The following OGDH variants were observed in gnomAD, a reference collection of about 807,000 sequenced individuals.
OGDH encodes the protein 2-oxoglutarate dehydrogenase complex component E1.
A neutral mutation model predicts 116.6 loss-of-function variants in OGDH; 38 were observed. The ratio of observed to expected loss-of-function variants is 0.33; its 90% CI spans 0.25 to 0.43. The LOEUF (loss-of-function observed/expected upper bound fraction) is 0.43. Among genes scored for constraint, OGDH ranks in the 20% least tolerant of loss-of-function variants. The probability of loss-of-function intolerance (pLI) is 1.00; values close to 1 mark genes in which losing one functional copy is unlikely to be tolerated. For missense variants in OGDH, 825 were observed against 1,357.2 expected (o/e 0.61, Z 6.16); for synonymous variants, 488 against 533.3 (o/e 0.92, Z 1.17).
At chr7:44,672,860 C>G (rs1787528784) in intron 5 of OGDH, among the ~76,000 whole-genome samples, 1 of 152,046 alleles carries the variant, frequency 6.6e-6, no homozygotes, top group South Asian at 2.1e-4. Flanking sequence ...TCAGGCTGGT[C>G]TCAAACTCCT....
intron 12 of OGDH, among the ~76,000 whole-genome samples, chr7:44,695,256 T>C (rs1280606482): frequency 6.6e-6 from 1 of 152,070 alleles, no homozygotes; most frequent in Non-Finnish European, 1.5e-5. Context: ...CCACCACGCC[T>C]AGCTAATTTT....
intron 20 of OGDH, among the ~76,000 whole-genome samples, chr7:44,705,860 C>G (rs1349573929): frequency 2.0e-5 from 3 of 152,236 alleles, no homozygotes; most frequent in Admixed American, 6.5e-5. Flanking sequence ...GAGTACGATA[C>G]ATGTTTGTTA....
chr7:44,638,273 C>G (rs111282684), intron 2 of OGDH, among the ~76,000 whole-genome samples: 1 of 152,244 alleles, frequency 6.6e-6, no homozygotes, highest in Non-Finnish European at 1.5e-5. Flanking sequence ...CACCCACGTA[C>G]GTCATTGTGA....
Position 44,673,808 on chromosome 7 carries a change from G to C in OGDH, c.655G>C (p.Gly219Arg). The C allele has an allele frequency of 6.2e-7, 1 of 1,614,210 alleles. No individual in the cohort carries two copies. Among genetic ancestry groups the C allele is most frequent in the Non-Finnish European group, 8.5e-7 (1 of 1,180,018 alleles). Residue 219 changes from glycine (G) to arginine (R), a missense_variant, in exon 6 of 23, where the codon GGG (glycine) becomes CGG (arginine). Transcript: ENST00000222673. ...ATAGATGGCCTACTGCCAGCATATT[G>C]GGGTGGAGTTCATGTTCATCAATGA... Reference protein sequence around the residue: ...RLEMAYCQHIGVEFMFINDLE... With the variant: ...RLEMAYCQHIRVEFMFINDLE...
At chr7:44,679,555 G>C (rs886376489) in intron 9 of OGDH, among the ~76,000 whole-genome samples, 1 of 152,222 alleles carries the variant, frequency 6.6e-6, no homozygotes, top group Non-Finnish European at 1.5e-5. Flanking sequence ...AACTCAGGGA[G>C]GTGCAGGTCA....
intron 10 of OGDH, among the ~76,000 whole-genome samples, chr7:44,684,253 C>CT (rs1264846400): frequency 3.3e-5 from 5 of 151,960 alleles, no homozygotes; most frequent in African/African-American, 1.2e-4. Flanking sequence ...ATTGGAGAGA[C>CT]TGACGCAAGG....
intron 4 of OGDH, chr7:44,656,388 T>A (rs1185238400): frequency 2.0e-6 from 3 of 1,533,310 alleles, no homozygotes; most frequent in Middle Eastern, 1.7e-4. Flanking sequence ...GCTTTTCACC[T>A]TTTCAGAGTT....
intron 5 of OGDH, among the ~76,000 whole-genome samples, chr7:44,673,156 A>G (rs1217664772): frequency 6.6e-6 from 1 of 152,110 alleles, no homozygotes; most frequent in Non-Finnish European, 1.5e-5. Flanking sequence ...ATTTGAGCCC[A>G]GGAGTTCAAG....
intron 1 of OGDH, among the ~76,000 whole-genome samples, chr7:44,612,630 G>A (rs145166208): frequency 0.011 from 1,614 of 152,016 alleles, 28 homozygotes; most frequent in African/African-American, 0.037. Context: ...TGATCCACTC[G>A]CCTCGGCCTC....
intron 3 of OGDH, chr7:44,647,354 T>A: frequency 2.4e-6 from 2 of 817,984 alleles, no homozygotes; most frequent in South Asian, 3.2e-5. Flanking sequence ...TGTTCCTCTT[T>A]GGAAAAGGTT....
At chr7:44,675,620 G>A (rs959334821) in intron 8 of OGDH, among the ~76,000 whole-genome samples, 7 of 152,104 alleles carry the variant, frequency 4.6e-5, no homozygotes, top group South Asian at 2.1e-4. Context: ...GCTCACATCC[G>A]TAACCCCAAC....
At chr7:44,622,008 A>C (rs534514537) in intron 1 of OGDH, among the ~76,000 whole-genome samples, 1 of 152,318 alleles carries the variant, frequency 6.6e-6, no homozygotes, top group South Asian at 2.1e-4. Flanking sequence ...TTTGGGAAGA[A>C]CAGATGAAAT....
chr7:44,689,549 AG>A (rs1461840056), intron 10 of OGDH, among the ~76,000 whole-genome samples: 2 of 151,498 alleles, frequency 1.3e-5, no homozygotes, highest in African/African-American at 4.8e-5. Flanking sequence ...CTAGGATTCC[AG>A]TTTTTTCATG....
chr7:44,643,367 A>G (rs543186849), intron 2 of OGDH, among the ~76,000 whole-genome samples: 6 of 152,324 alleles, frequency 3.9e-5, no homozygotes, highest in African/African-American at 1.4e-4. Flanking sequence ...CAAAAAATAC[A>G]TGCTTATTAT....
chr7:44,606,796 T>G (rs1165799357), intron 1 of OGDH, 143 bp downstream of exon 1: 1 of 152,192 alleles, frequency 6.6e-6, no homozygotes, highest in African/African-American at 2.4e-5. Context: ...TGGAGCTGGA[T>G]GGAGTGGGGC....
chr7:44,617,597 C>A (rs1044946970), intron 1 of OGDH, among the ~76,000 whole-genome samples: 1 of 152,218 alleles, frequency 6.6e-6, no homozygotes, highest in Non-Finnish European at 1.5e-5. Context: ...GAATTGATAT[C>A]TGTACTCTGT....
intron 4 of OGDH, among the ~76,000 whole-genome samples, chr7:44,657,736 C>T (rs1786756222): frequency 6.6e-6 from 1 of 152,160 alleles, no homozygotes; most frequent in Non-Finnish European, 1.5e-5. Context: ...TTCTCCTATA[C>T]ATTTTTCTAA....
intron 2 of OGDH, among the ~76,000 whole-genome samples, chr7:44,625,128 T>G (rs1785153646): frequency 6.6e-6 from 1 of 152,104 alleles, no homozygotes; most frequent in African/African-American, 2.4e-5. Context: ...TTTGTTTTTG[T>G]TTGTTTTGTT....
chr7:44,664,747 T>C (rs543525605), intron 4 of OGDH, among the ~76,000 whole-genome samples: 2 of 152,318 alleles, frequency 1.3e-5, no homozygotes, highest in East Asian at 3.9e-4. Flanking sequence ...GAAGAATATG[T>C]GTACTCCGCT....
Sources: allele counts gnomAD v4.1 joint callset (sites outside exome capture counted in the v4.1 genomes callset), GRCh38; gene constraint gnomAD v4.1.1; transcripts MANE v1.5; gene names NCBI Gene and HGNC (gene_info 2026-07-23, HGNC 2026-07-21).